The following SLC26A7 variants were observed in gnomAD, a reference collection of about 807,000 sequenced individuals.
SLC26A7 encodes anion exchange transporter.
A neutral mutation model predicts 82.5 loss-of-function variants in SLC26A7; 59 were observed. The observed-to-expected ratio is 0.72, with a 90% CI of 0.58 to 0.89. SLC26A7 has a LOEUF of 0.89. SLC26A7 is among the 40% of genes least tolerant of loss of function. The pLI is 0.00. For synonymous variants in SLC26A7, 271 were observed against 274.3 expected (o/e 0.99, Z 0.12); for missense variants, 820 against 793.0 (o/e 1.03, Z -0.41).
rs1020576806 is a variant in SLC26A7, at chr8:91,365,549, T to C, written c.1489-1031T>C. Among the ~76,000 whole-genome samples, 11 of 152,204 alleles carry C rather than the reference T, an allele frequency of 7.2e-5. No homozygotes were observed. The South Asian group carries it at 1.0e-3, about 14-fold the overall frequency. On this transcript the variant is annotated intron_variant, in intron 13 of 18. Transcript: ENST00000276609. Reference sequence around the variant, plus strand: ...AAGAGGTTTACTCTTGTCTGAACATTAGTTTGGCAACTTAAGGTTTGTTTG... The same window carrying C: ...AAGAGGTTTACTCTTGTCTGAACATCAGTTTGGCAACTTAAGGTTTGTTTG...
intron 10 of SLC26A7, among the ~76,000 whole-genome samples, chr8:91,352,598 G>A (rs1046261649): frequency 2.0e-5 from 3 of 151,992 alleles, no homozygotes; most frequent in Non-Finnish European, 4.4e-5. Context: ...CCGTGAATAC[G>A]TTTAGTTAAG....
chr8:91,305,040 T>C (rs1177440110), intron 4 of SLC26A7, among the ~76,000 whole-genome samples: 1 of 152,218 alleles, frequency 6.6e-6, no homozygotes, highest in African/African-American at 2.4e-5. Flanking sequence ...ATAGGGCTTC[T>C]GAATCTACCA....
intron 2 of SLC26A7, among the ~76,000 whole-genome samples, chr8:91,244,188 A>T (rs1203371670): frequency 6.6e-6 from 1 of 152,168 alleles, no homozygotes; most frequent in Admixed American, 6.5e-5. Context: ...TTAAGCCATG[A>T]TACGGCCATA....
At chr8:91,215,825 A>C (rs1810035622) in intron 1 of SLC26A7, among the ~76,000 whole-genome samples, 1 of 152,290 alleles carries the variant, frequency 6.6e-6, no homozygotes, top group Admixed American at 6.5e-5. Flanking sequence ...GAGGTCCTCT[A>C]TAACAGGGAG....
intron 4 of SLC26A7, among the ~76,000 whole-genome samples, chr8:91,306,590 A>G (rs1812315434): frequency 1.3e-5 from 2 of 152,176 alleles, no homozygotes; most frequent in Admixed American, 1.3e-4. Flanking sequence ...GAGTTGACAT[A>G]TAACCCACAC....
At chr8:91,382,142 A>T (rs1354775242) in intron 15 of SLC26A7, among the ~76,000 whole-genome samples, 1 of 152,166 alleles carries the variant, frequency 6.6e-6, no homozygotes, top group Non-Finnish European at 1.5e-5. Flanking sequence ...TGCAGCTGAG[A>T]TCTAATTGCC....
At chr8:91,242,660 A>T (rs1204725310) in intron 2 of SLC26A7, among the ~76,000 whole-genome samples, 1 of 152,164 alleles carries the variant, frequency 6.6e-6, no homozygotes, top group Admixed American at 6.5e-5. Context: ...GAATGCAGAG[A>T]AACAGTGGCC....
chr8:91,272,724 G>A (rs765828431), intron 2 of SLC26A7, among the ~76,000 whole-genome samples: 16 of 152,202 alleles, frequency 1.1e-4, no homozygotes, highest in Non-Finnish European at 2.4e-4. Context: ...TAAAAGGCTT[G>A]TATGACACAG....
chr8:91,346,034 C>T (rs901170641), intron 9 of SLC26A7, among the ~76,000 whole-genome samples: 4 of 152,064 alleles, frequency 2.6e-5, no homozygotes, highest in East Asian at 1.9e-4. Context: ...AACAACAGAA[C>T]GTTTCTAAGG....
At chr8:91,360,181 T>C (rs1161007540) in intron 11 of SLC26A7, among the ~76,000 whole-genome samples, 2 of 152,134 alleles carry the variant, frequency 1.3e-5, no homozygotes, top group African/African-American at 2.4e-5. Flanking sequence ...CAAAAACAGA[T>C]AGTACAACAG....
At chr8:91,289,438 A>C (rs193253224) in intron 3 of SLC26A7, among the ~76,000 whole-genome samples, 192 bp downstream of exon 3, 32 of 152,326 alleles carry the variant, frequency 2.1e-4, no homozygotes, top group Admixed American at 5.9e-4. Context: ...CTGTGTAGCC[A>C]AGGTAATTGC....
chr8:91,388,348 G>A (rs985113260), intron 15 of SLC26A7, among the ~76,000 whole-genome samples: 1 of 151,806 alleles, frequency 6.6e-6, no homozygotes, highest in East Asian at 1.9e-4. Context: ...CCGGGTTAAC[G>A]CCATCTTCCT....
At chr8:91,217,110 G>T (rs1810063880) in intron 1 of SLC26A7, among the ~76,000 whole-genome samples, 1 of 152,100 alleles carries the variant, frequency 6.6e-6, no homozygotes, top group Admixed American at 6.6e-5. Flanking sequence ...CTATTTGTGT[G>T]TGTGTGTATG....
At chr8:91,215,450 C>T (rs1810026641) in intron 1 of SLC26A7, among the ~76,000 whole-genome samples, 1 of 151,974 alleles carries the variant, frequency 6.6e-6, no homozygotes, top group African/African-American at 2.4e-5. Flanking sequence ...CTCAATTCTA[C>T]CATTCAACAA....
intron 2 of SLC26A7, among the ~76,000 whole-genome samples, chr8:91,262,381 T>G (rs1810993019): frequency 6.6e-6 from 1 of 151,582 alleles, no homozygotes; most frequent in African/African-American, 2.4e-5. Flanking sequence ...TAGAAAGGAG[T>G]CTGAATTACA....
At chr8:91,393,672 C>T (rs564924368) in intron 16 of SLC26A7, 125 bp from the exon 17 acceptor site, 3 of 954,346 alleles carry the variant, frequency 3.1e-6, no homozygotes, top group Non-Finnish European at 4.9e-6. Flanking sequence ...ACAATGCCTC[C>T]CTCTGGTGGT....
intron 2 of SLC26A7, among the ~76,000 whole-genome samples, chr8:91,279,111 A>ATGTGTGTGTG (rs71562209): frequency 1.7e-4 from 19 of 115,028 alleles, no homozygotes; most frequent in African/African-American, 6.9e-4. Flanking sequence ...ATTTCATAGT[A>ATGTGTGTGTG]TGTGTGTGTG....
intron 11 of SLC26A7, among the ~76,000 whole-genome samples, chr8:91,355,413 CT>C (rs1282147751): frequency 6.6e-6 from 1 of 151,460 alleles, no homozygotes; most frequent in African/African-American, 2.4e-5. Context: ...TTTGTTTTTA[CT>C]TTGTTCTTCT....
At chr8:91,270,952 C>G (rs1563652881) in intron 2 of SLC26A7, among the ~76,000 whole-genome samples, 1 of 152,138 alleles carries the variant, frequency 6.6e-6, no homozygotes, top group Non-Finnish European at 1.5e-5. Flanking sequence ...CAAGTACCAT[C>G]AAGAAGAAAA....
Sources: allele counts gnomAD v4.1 joint callset (sites outside exome capture counted in the v4.1 genomes callset), GRCh38; gene constraint gnomAD v4.1.1; transcripts MANE v1.5; gene names NCBI Gene and HGNC (gene_info 2026-07-23, HGNC 2026-07-21).